The following SERINC5 variants were observed in gnomAD, a reference collection of about 807,000 sequenced individuals.
The protein encoded by SERINC5 is chromosome 5 open reading frame 12.
SERINC5 carries 41 observed loss-of-function variants against 63.1 expected under a neutral mutation model. The observed-to-expected ratio is 0.65, with a 90% CI of 0.51 to 0.84. SERINC5 has a LOEUF of 0.84. SERINC5 is among the 40% of genes least tolerant of loss of function. The probability of loss-of-function intolerance (pLI) is 0.00; values close to 1 mark genes in which losing one functional copy is unlikely to be tolerated. For missense variants in SERINC5, 523 were observed against 573.0 expected (o/e 0.91, Z 0.89); for synonymous variants, 222 against 215.2 (o/e 1.03, Z -0.28).
intron 7 of SERINC5, among the ~76,000 whole-genome samples, chr5:80,162,876 T>C (rs1043976105): frequency 1.3e-5 from 2 of 151,844 alleles, no homozygotes; most frequent in African/African-American, 2.4e-5. Flanking sequence ...TTTCACTCTG[T>C]TGTCCAGGCT....
At chr5:80,241,810 G>C (rs144885237) in intron 1 of SERINC5, among the ~76,000 whole-genome samples, 1 of 152,032 alleles carries the variant, frequency 6.6e-6, no homozygotes, top group Non-Finnish European at 1.5e-5. Context: ...AAATGTAAAT[G>C]ATCCAAGCAT....
intron 5 of SERINC5, among the ~76,000 whole-genome samples, chr5:80,170,176 G>A (rs1747558552): frequency 6.6e-6 from 1 of 152,128 alleles, no homozygotes; most frequent in Admixed American, 6.5e-5. Flanking sequence ...CTGCTGTCCT[G>A]TCTTTGTTCT....
At chr5:80,230,604 G>A (rs1256956648) in intron 1 of SERINC5, among the ~76,000 whole-genome samples, 1 of 152,024 alleles carries the variant, frequency 6.6e-6, no homozygotes, top group African/African-American at 2.4e-5. Flanking sequence ...TCCCTTACAA[G>A]TGCCGTCACA....
rs1746689826 is a variant in SERINC5 at position 80,158,698 on chromosome 5, CTCT to C, written c.986+135_986+137del. 1.7e-5 allele frequency: 13 copies of C among 761,968 alleles called. No homozygotes were observed. In the South Asian group the frequency reaches 2.6e-4, roughly 15 times the overall value. The allele number at this position is 761,968 out of a possible 1,614,324, so 47.2% of individuals were successfully genotyped here. A position where few individuals can be genotyped will look rare whatever the true frequency, so the allele number is the denominator to read the frequency against. On this transcript the variant is annotated intron_variant, in intron 8 of 11. Coordinates refer to ENST00000507668, the MANE Select transcript of SERINC5 (RefSeq NM_001174072.3). ...AACGAAGTTCAAATATGAGTTCACG[CTCT>C]TCGCCTTTTTACTTGTGGTTATTTT...
rs568530053 is a variant in SERINC5 at position 80,243,684 on chromosome 5, T to C, written c.27+12212A>G. 3.1e-3 allele frequency among the ~76,000 whole-genome samples: 469 copies of C among 151,902 alleles called. 1 individual carries two copies. Among genetic ancestry groups the C allele is most frequent in the African/African-American group, 0.011 (450 of 41,438 alleles). ...ACTTTGAGAGGCCAAGGCAGGAGGA[T>C]TGCTTAAGCCCAGGAGTTTGGGACC... On this transcript the variant is annotated intron_variant, in intron 1 of 11. Transcript: ENST00000507668.
chr5:80,193,549 G>C (rs145724716), intron 2 of SERINC5, among the ~76,000 whole-genome samples: 1 of 152,136 alleles, frequency 6.6e-6, no homozygotes, highest in Non-Finnish European at 1.5e-5. Flanking sequence ...TGGTGCTCCC[G>C]CAAACGTGCA....
At chr5:80,199,415 G>A (rs759498605) in intron 2 of SERINC5, among the ~76,000 whole-genome samples, 2 of 152,124 alleles carry the variant, frequency 1.3e-5, no homozygotes, top group Admixed American at 6.6e-5. Context: ...CCTGACACAT[G>A]GTATCACTCA....
chr5:80,185,774 G>A (rs925724236), intron 2 of SERINC5, among the ~76,000 whole-genome samples: 4 of 152,106 alleles, frequency 2.6e-5, no homozygotes, highest in Non-Finnish European at 5.9e-5. Context: ...ACAAGGTAAT[G>A]TCATCACTTA....
At chr5:80,153,848 A>G (rs970189585) in intron 8 of SERINC5, among the ~76,000 whole-genome samples, 10 of 151,572 alleles carry the variant, frequency 6.6e-5, no homozygotes, top group African/African-American at 2.4e-4. Context: ...GTTTCCCTGC[A>G]GAACCACTAC....
intron 8 of SERINC5, among the ~76,000 whole-genome samples, chr5:80,153,831 G>A (rs1374953672): frequency 9.9e-5 from 15 of 150,800 alleles, no homozygotes; most frequent in Admixed American, 5.3e-4. Flanking sequence ...AAGAAAAGCC[G>A]TGTCCTGTTT....
chr5:80,232,526 C>G (rs1164145703), intron 1 of SERINC5, among the ~76,000 whole-genome samples: 1 of 152,012 alleles, frequency 6.6e-6, no homozygotes, highest in East Asian at 1.9e-4. Context: ...TGGCTCACGC[C>G]TGTAATCCCA....
chr5:80,214,858 T>A (rs569720730), intron 1 of SERINC5, among the ~76,000 whole-genome samples: 3 of 152,062 alleles, frequency 2.0e-5, no homozygotes, highest in Non-Finnish European at 2.9e-5. Context: ...GATCATGCCA[T>A]TGCACTCCAG....
intron 1 of SERINC5, among the ~76,000 whole-genome samples, chr5:80,226,287 G>A (rs950756735): frequency 6.6e-6 from 1 of 152,158 alleles, no homozygotes; most frequent in Non-Finnish European, 1.5e-5. Flanking sequence ...ACTGCATCCG[G>A]CCAAAAATAA....
chr5:80,225,900 GT>G (rs1751145112), intron 1 of SERINC5, among the ~76,000 whole-genome samples: 3 of 152,184 alleles, frequency 2.0e-5, no homozygotes, highest in African/African-American at 7.2e-5. Flanking sequence ...AATTAAAGAT[GT>G]GAGTGTCTTT....
chr5:80,141,471 AAATCACAC>A lies in SERINC5; in HGVS notation c.*2184_*2191del, dbSNP rs552931729. On this transcript the variant is annotated 3_prime_UTR_variant, in exon 12 of 12. Transcript: ENST00000507668. Reference sequence around the variant, plus strand: ...TGACTGCGCGTAAGGTCAGTTTCTCAAATCACACCAGCTGGCAGCCAGACCCAGCCGAG... The same window carrying A: ...TGACTGCGCGTAAGGTCAGTTTCTCACAGCTGGCAGCCAGACCCAGCCGAG... 5,270 of 962,384 alleles carry A rather than the reference AAATCACAC, an allele frequency of 5.5e-3. 198 individuals are homozygous for A. In the African/African-American group the frequency reaches 0.13, roughly 23 times the overall value. The allele number at this position is 962,384 out of a possible 1,614,324, so 59.6% of individuals were successfully genotyped here. A position where few individuals can be genotyped will look rare whatever the true frequency, so the allele number is the denominator to read the frequency against.
intron 6 of SERINC5, chr5:80,167,174 G>C (rs115454515): frequency 0.044 from 6,620 of 152,122 alleles, 208 homozygotes; most frequent in Middle Eastern, 0.071. Flanking sequence ...AGATTATTTC[G>C]TCACCCAGGT....
At chr5:80,170,173 C>T (rs1747558214) in intron 5 of SERINC5, among the ~76,000 whole-genome samples, 1 of 152,136 alleles carries the variant, frequency 6.6e-6, no homozygotes, top group South Asian at 2.1e-4. Flanking sequence ...TGACTGCTGT[C>T]CTGTCTTTGT....
Position 80,164,910 on chromosome 5 carries a change from G to GTTTTTTTTTTT in SERINC5, c.859+1462_859+1472dup, listed in dbSNP as rs70982026. ...TGAAATTTAAAATAACTTTTTTTCTGTTTTTTTTTTTTTTTTTTTTTTGTA... is the reference window on the plus strand; with the variant it reads ...TGAAATTTAAAATAACTTTTTTTCTGTTTTTTTTTTTTTTTTTTTTTTTTTTTTTTTTTGTA... On this transcript the variant is annotated intron_variant, in intron 7 of 11. Transcript: ENST00000507668. Among the ~76,000 whole-genome samples, 120 of 85,182 alleles carry GTTTTTTTTTTT rather than the reference G, an allele frequency of 1.4e-3. 9 individuals carry two copies. The highest frequency in any genetic ancestry group is 3.9e-3 in the African/African-American group (80 of 20,462). 55.9% of individuals were successfully genotyped at this position (85,182 alleles called of 152,430 possible). A position where few individuals can be genotyped will look rare whatever the true frequency, so the allele number is the denominator to read the frequency against.
At chr5:80,231,507 C>G (rs751310701) in intron 1 of SERINC5, among the ~76,000 whole-genome samples, 1 of 152,046 alleles carries the variant, frequency 6.6e-6, no homozygotes, top group Non-Finnish European at 1.5e-5. Context: ...AAAAATGAGT[C>G]AGCCATCTAA....
Sources: allele counts gnomAD v4.1 joint callset (sites outside exome capture counted in the v4.1 genomes callset), GRCh38; gene constraint gnomAD v4.1.1; transcripts MANE v1.5; gene names NCBI Gene and HGNC (gene_info 2026-07-23, HGNC 2026-07-21).